The following AMMECR1 variants were observed in gnomAD, a reference collection of about 807,000 sequenced individuals.
The protein encoded by AMMECR1 is AMMECR nuclear protein 1.
Under a neutral mutation model 22.5 loss-of-function variants are expected in AMMECR1, and 3 were observed. The observed-to-expected ratio is 0.13, with a 90% CI of 0.06 to 0.35. AMMECR1 has a LOEUF of 0.35. Among genes scored for constraint, AMMECR1 ranks in the 10% least tolerant of loss-of-function variants. The probability of loss-of-function intolerance (pLI) is 1.00; values close to 1 mark genes in which losing one functional copy is unlikely to be tolerated. For synonymous variants in AMMECR1, 130 were observed against 116.7 expected (o/e 1.11, Z -0.74); for missense variants, 235 against 278.7 (o/e 0.84, Z 1.12).
chrX:110,318,687 G>T (rs1179045673), upstream of AMMECR1, among the ~76,000 whole-genome samples: 1 of 111,212 alleles, frequency 9.0e-6, no homozygotes, highest in East Asian at 2.8e-4. Flanking sequence ...CCATACCTGA[G>T]ACCGCCCCTG....
chrX:110,334,893 G>C (rs773317000), intron 2 of AMMECR1, among the ~76,000 whole-genome samples: 10 of 111,366 alleles, frequency 9.0e-5, no homozygotes, highest in Non-Finnish European at 1.9e-4. Flanking sequence ...TATAACCTGA[G>C]AGTGTCTGGG....
chrX:110,333,082 A>G (rs955197426), intron 2 of AMMECR1, among the ~76,000 whole-genome samples: 1 of 111,673 alleles, frequency 9.0e-6, no homozygotes, highest in Non-Finnish European at 1.9e-5. Context: ...CCTGACAAAC[A>G]TATCAACAAT....
intron 2 of AMMECR1, chrX:110,346,859 G>A (rs1049017332): frequency 1.5e-6 from 1 of 649,825 alleles, no homozygotes; most frequent in Non-Finnish European, 2.6e-6. Flanking sequence ...CCTCCAGCTG[G>A]AGCTGTTGAA....
intron 2 of AMMECR1, among the ~76,000 whole-genome samples, chrX:110,424,416 C>A: frequency 9.0e-6 from 1 of 111,717 alleles, no homozygotes; most frequent in Non-Finnish European, 1.9e-5. Context: ...AACCCAGCTA[C>A]CAGTTGTAGA....
At chrX:110,229,702 C>T (rs1030747734) in intron 2 of AMMECR1, among the ~76,000 whole-genome samples, 1 of 111,904 alleles carries the variant, frequency 8.9e-6, no homozygotes, top group Non-Finnish European at 1.9e-5. Flanking sequence ...CAGGGCGGGG[C>T]GTTGACTCAC....
chrX:110,431,538 C>T (rs1204561354), intron 1 of AMMECR1, among the ~76,000 whole-genome samples: 1 of 107,535 alleles, frequency 9.3e-6, no homozygotes, highest in Non-Finnish European at 1.9e-5. Flanking sequence ...AGGCAGTTAG[C>T]TCCAATTTGG....
intron 1 of AMMECR1, among the ~76,000 whole-genome samples, chrX:110,434,785 A>G (rs778351134): frequency 3.3e-4 from 37 of 110,832 alleles, no homozygotes; most frequent in Non-Finnish European, 6.2e-4. Flanking sequence ...CACCACAGTC[A>G]AGGGATATTA....
chrX:110,389,580 A>T lies in AMMECR1; in HGVS notation c.-148+37078T>A, dbSNP rs187056052. Among the ~76,000 whole-genome samples the T allele has an allele frequency of 3.0e-3, 331 of 111,959 alleles. 2 individuals are homozygous for T. The highest frequency in any genetic ancestry group is 0.028 in the Middle Eastern group (6 of 217). Reference sequence around the variant, plus strand: ...CACACAATCAATTTTTTTAAATCTAATTTACCATACCCTTAAGGTTATTCA... The same window carrying T: ...CACACAATCAATTTTTTTAAATCTATTTTACCATACCCTTAAGGTTATTCA... On this transcript the variant is annotated intron_variant, in intron 2 of 7. Transcript: ENST00000372057.
At position 110,381,353 on chromosome X, in the gene AMMECR1, G is replaced by A. The variant is rs183021666; in HGVS notation, c.-148+45305C>T. On this transcript the variant is annotated intron_variant, in intron 2 of 7. Transcript: ENST00000372057. ...CATCATTACTAATCATCAGAGAAAT[G>A]TGAATCAAAACCACAGTGAGATACC... 3.6e-5 allele frequency among the ~76,000 whole-genome samples: 4 copies of A among 111,889 alleles called. No individual in the cohort carries two copies. The Admixed American group carries it at 3.8e-4, about 11-fold the overall frequency.
At chrX:110,290,067 G>A (rs901619921) in intron 1 of AMMECR1, among the ~76,000 whole-genome samples, 10 of 111,644 alleles carry the variant, frequency 9.0e-5, no homozygotes, top group Non-Finnish European at 1.9e-5. Flanking sequence ...ATATTACAAT[G>A]TAATATCCTA....
chrX:110,219,742 T>TC, intron 2 of AMMECR1: 6 of 284,820 alleles, frequency 2.1e-5, no homozygotes, highest in Non-Finnish European at 2.9e-5. Flanking sequence ...AACTCTGAAA[T>TC]AGTAAAGGTT....
intron 1 of AMMECR1, among the ~76,000 whole-genome samples, chrX:110,296,541 C>T (rs1266188383): frequency 8.9e-6 from 1 of 112,041 alleles, no homozygotes; most frequent in African/African-American, 3.2e-5. Flanking sequence ...TCCCACAGGT[C>T]TCTTAGGCTT....
At chrX:110,289,110 C>T (rs2067895218) in intron 1 of AMMECR1, among the ~76,000 whole-genome samples, 1 of 111,899 alleles carries the variant, frequency 8.9e-6, no homozygotes, top group South Asian at 3.7e-4. Context: ...TCAAAACTGT[C>T]CATGAATCCT....
rs768421480 is a variant in AMMECR1 at position 110,439,521 on chromosome X, C to A, written c.-294+369G>T. Among the ~76,000 whole-genome samples the A allele has an allele frequency of 7.1e-5, 8 of 112,090 alleles. No homozygotes were observed. The South Asian group carries it at 3.0e-3, about 42-fold the overall frequency. On this transcript the variant is annotated intron_variant, in intron 1 of 7. Coordinates refer to the AMMECR1 transcript ENST00000372057. ...TGGAGAAGCCAGCAGGGGCTGTGCT[C>A]ACAATAATAGCTGTGGTTGCATTTA...
chrX:110,213,834 G>A (rs1370329912), intron 3 of AMMECR1, among the ~76,000 whole-genome samples: 1 of 110,705 alleles, frequency 9.0e-6, no homozygotes, highest in Non-Finnish European at 1.9e-5. Context: ...ACCCTTATTC[G>A]TTGTATACAA....
intron 5 of AMMECR1, among the ~76,000 whole-genome samples, chrX:110,198,893 C>A (rs2067383973): frequency 9.0e-6 from 1 of 111,235 alleles, no homozygotes; most frequent in South Asian, 3.9e-4. Flanking sequence ...TTATTGTCCC[C>A]TCAGCCCCAG....
intron 1 of AMMECR1, among the ~76,000 whole-genome samples, chrX:110,307,812 T>G (rs976679025): frequency 6.4e-5 from 7 of 108,828 alleles, no homozygotes; most frequent in Admixed American, 3.9e-4. Flanking sequence ...CAGGTCCTCA[T>G]ATTATGAAAC....
intron 2 of AMMECR1, among the ~76,000 whole-genome samples, chrX:110,364,656 T>A (rs932103545): frequency 4.5e-5 from 5 of 111,621 alleles, no homozygotes; most frequent in African/African-American, 1.6e-4. Flanking sequence ...AAAAATTGAG[T>A]TTTGGAACCT....
At chrX:110,396,286 A>G (rs148516536) in intron 2 of AMMECR1, among the ~76,000 whole-genome samples, 6,717 of 111,492 alleles carry the variant, frequency 0.06, 232 homozygotes, top group African/African-American at 0.12. Flanking sequence ...TGAACCCCCA[A>G]GTATCCATCA....
Sources: gnomAD v4.1 joint callset for allele counts (sites outside exome capture counted in the v4.1 genomes callset) on GRCh38, gnomAD v4.1.1 for gene constraint, MANE v1.5 for transcripts, NCBI Gene and HGNC (gene_info 2026-07-23, HGNC 2026-07-21) for gene names.